Variants in ERBB2 observed in about 807,000 individuals in gnomAD.
ERBB2 encodes receptor tyrosine-protein kinase erbB-2.
In ERBB2, 61 loss-of-function variants were observed where a neutral mutation model predicts 149.0. The observed-to-expected ratio is 0.41, with a 90% confidence interval of 0.33 to 0.51. The LOEUF (loss-of-function observed/expected upper bound fraction) is 0.51, where lower values mean the gene tolerates loss of function less well. Among genes scored for constraint, ERBB2 ranks in the 20% least tolerant of loss-of-function variants. The probability of loss-of-function intolerance (pLI) is 0.25; values close to 1 mark genes in which losing one functional copy is unlikely to be tolerated. For missense variants in ERBB2, 1,205 were observed against 1,655.1 expected (o/e 0.73, Z 4.72); for synonymous variants, 633 against 678.8 (o/e 0.93, Z 1.05).
At chr17:39,722,022 G>A (rs2059480957) in intron 16 of ERBB2, among the ~76,000 whole-genome samples, 1 of 151,974 alleles carries the variant, frequency 6.6e-6, no homozygotes, top group African/African-American at 2.4e-5. Flanking sequence ...AGGTTCAAAC[G>A]ATTCTCCTGC....
At chr17:39,718,875 C>T (rs182236822) in intron 15 of ERBB2, among the ~76,000 whole-genome samples, 1 of 152,136 alleles carries the variant, frequency 6.6e-6, no homozygotes, top group Admixed American at 6.5e-5. Context: ...TTTTGTATGC[C>T]CCCTAGTGGG....
At chr17:39,699,643 G>C (rs2057971019), upstream of ERBB2, 1 of 1,095,384 alleles carries the variant, frequency 9.1e-7, no homozygotes, top group Non-Finnish European at 1.3e-6. Context: ...GATGTGGTGG[G>C]AAAACCATTA....
chr17:39,705,607 G>T (rs959423742), intron 1 of ERBB2, among the ~76,000 whole-genome samples: 1 of 152,168 alleles, frequency 6.6e-6, no homozygotes, highest in African/African-American at 2.4e-5. Context: ...GGTGGGAATA[G>T]AGGCCATTCT....
At chr17:39,698,522 G>A (rs1319806093), upstream of ERBB2, among the ~76,000 whole-genome samples, 7 of 152,154 alleles carry the variant, frequency 4.6e-5, no homozygotes, top group Admixed American at 3.9e-4. Context: ...GCCTCCCAAA[G>A]TGCTGGAATT....
rs773610056 is a variant in ERBB2, at chr17:39,726,513, C to T, written c.2873-49C>T. 1.3e-6 allele frequency: 2 copies of T among 1,512,888 alleles called. No individual in the cohort carries two copies. Among genetic ancestry groups the T allele is most frequent in the South Asian group, 1.1e-5 (1 of 88,506 alleles). 93.7% of individuals were successfully genotyped at this position (1,512,888 alleles called of 1,614,324 possible). A position where few individuals can be genotyped will look rare whatever the true frequency, so the allele number is the denominator to read the frequency against. ...AGGGGGAGTGGGAGGGGAGAGGCAG[C>T]AAGCACACAGGGCCTGGGACTAGCA... On this transcript the variant is annotated intron_variant, in intron 23 of 26. Transcript: ENST00000269571. The surrounding 1 kb of genome is among the most constrained non-coding windows in gnomAD (Gnocchi z 5.1).
intron 9 of ERBB2, among the ~76,000 whole-genome samples, chr17:39,714,483 A>G (rs372053351): frequency 9.2e-5 from 14 of 152,216 alleles, no homozygotes; most frequent in Admixed American, 9.2e-4. Context: ...TCCCAACTTC[A>G]TAAGATGGTT....
At chr17:39,689,982 A>G (rs1403563724), upstream of ERBB2, among the ~76,000 whole-genome samples, 1 of 152,150 alleles carries the variant, frequency 6.6e-6, no homozygotes, top group Non-Finnish European at 1.5e-5. Context: ...GAAATGCAGT[A>G]ACGCCCCACA....
upstream of ERBB2, among the ~76,000 whole-genome samples, chr17:39,694,226 AATATATATAT>A (rs1417710622): frequency 0.015 from 278 of 18,486 alleles, 3 homozygotes; most frequent in African/African-American, 0.038. Flanking sequence ...AAAAAAAAAA[AATATATATAT>A]ATATATATAT....
intron 1 of ERBB2, among the ~76,000 whole-genome samples, chr17:39,705,827 C>T (rs922351338): frequency 2.0e-5 from 3 of 152,202 alleles, no homozygotes; most frequent in South Asian, 2.1e-4. Context: ...GTCCCTGAAT[C>T]TGCATGTAGC....
At chr17:39,699,982 G>C (rs1218613583), upstream of ERBB2, 4 of 1,263,144 alleles carry the variant, frequency 3.2e-6, no homozygotes, top group Non-Finnish European at 3.0e-6. Context: ...GAGCGCGCTT[G>C]CTCCCAATCA....
At chr17:39,691,556 A>AAAAAAAAAAAAAAAAATAT (rs573116217), upstream of ERBB2, among the ~76,000 whole-genome samples, 2 of 84,202 alleles carry the variant, frequency 2.4e-5, no homozygotes, top group African/African-American at 1.0e-4. Flanking sequence ...TAAAAAAAAA[A>AAAAAAAAAAAAAAAAATAT]ATATATATAT....
At chr17:39,696,566 G>A (rs552570484), upstream of ERBB2, 50 of 152,372 alleles carry the variant, frequency 3.3e-4, no homozygotes, top group African/African-American at 1.2e-3. Context: ...TGAGGGTAAT[G>A]GGTGAAGCCA....
chr17:39,727,321 G>A lies in ERBB2; in HGVS notation c.3186G>A (p.Gly1062=), dbSNP rs1471292522. 1.2e-6 allele frequency: 2 copies of A among 1,612,888 alleles called. No homozygotes were observed. Among genetic ancestry groups the A allele is most frequent in the Non-Finnish European group, 1.7e-6 (2 of 1,179,730 alleles). Residue 1062 remains glycine (G), a synonymous_variant, in exon 26 of 27, where the codon GGG becomes GGA. Coordinates refer to ENST00000269571, the MANE Select transcript of ERBB2 (RefSeq NM_004448.4). This position sits in a 1 kb window ranked among gnomAD's most constrained non-coding sequence, Gnocchi z 4.3. Reference sequence around the variant, plus strand: ...GTGGCGGTGGGGACCTGACACTAGGGCTGGAGCCCTCTGAAGAGGAGGCCC... The same window carrying A: ...GTGGCGGTGGGGACCTGACACTAGGACTGGAGCCCTCTGAAGAGGAGGCCC... ...TRSGGGDLTL[G]LEPSEEEAPR... is the part of the protein sequence containing the mutation.
At chr17:39,696,984 T>C (rs1597846106), upstream of ERBB2, among the ~76,000 whole-genome samples, 3 of 152,312 alleles carry the variant, frequency 2.0e-5, no homozygotes, top group Admixed American at 2.0e-4. Flanking sequence ...GCGCATCCTC[T>C]TCCCGCAGGG....
chr17:39,727,432 A>G lies in ERBB2; in HGVS notation c.3297A>G (p.Gln1099=), dbSNP rs1294478912. The stretch of plus-strand genomic sequence containing the variant: ...GAATGGGGGCAGCCAAGGGGCTGCA[A>G]AGCCTCCCCACACATGACCCCAGCC... ...DLGMGAAKGL[Q]SLPTHDPSPL... The change falls in exon 26 of 27, where the codon CAA becomes CAG. Residue 1099 remains glutamine, a synonymous_variant. Coordinates refer to ENST00000269571, the MANE Select transcript of ERBB2 (RefSeq NM_004448.4). The surrounding 1 kb of genome is among the most constrained non-coding windows in gnomAD (Gnocchi z 4.3). 1 of 1,611,636 alleles carries G rather than the reference A, an allele frequency of 6.2e-7. No individual in the cohort carries two copies. Among genetic ancestry groups the G allele is most frequent in the Non-Finnish European group, 8.5e-7 (1 of 1,179,160 alleles).
upstream of ERBB2, among the ~76,000 whole-genome samples, chr17:39,698,009 T>G (rs926710086): frequency 3.3e-5 from 5 of 152,080 alleles, no homozygotes; most frequent in African/African-American, 1.2e-4. Context: ...TATTACTTTC[T>G]TAAAGAGAGT....
chr17:39,690,881 C>T (rs1207447552), upstream of ERBB2, among the ~76,000 whole-genome samples: 1 of 152,090 alleles, frequency 6.6e-6, no homozygotes, highest in African/African-American at 2.4e-5. Flanking sequence ...TGGACAGGCA[C>T]AGTGGCTCAT....
chr17:39,707,246 C>A, intron 2 of ERBB2, 105 bp downstream of exon 2: 1 of 1,029,490 alleles, frequency 9.7e-7, no homozygotes, highest in Non-Finnish European at 1.3e-6. Flanking sequence ...TGTTTCCTCT[C>A]TTGTTGTGGT....
Position 39,707,087 on chromosome 17 carries a change from G to C in ERBB2, c.171G>C (p.Gln57His). The C allele has an allele frequency of 6.2e-7, 1 of 1,606,060 alleles. No individual in the cohort carries two copies. Residue 57 changes from glutamine (Q) to histidine (H), a missense_variant, in exon 2 of 27, where the codon CAG becomes CAC. This residue lies in a region of ERBB2 where 101 missense variants were observed against 95.1 expected (regional missense o/e 1.06). Transcript: ENST00000269571. Reference protein sequence around the residue: ...RHLYQGCQVVQGNLELTYLPT... With the variant: ...RHLYQGCQVVHGNLELTYLPT... Reference sequence around the variant, plus strand: ...TCTACCAGGGCTGCCAGGTGGTGCAGGGAAACCTGGAACTCACCTACCTGC... The same window carrying C: ...TCTACCAGGGCTGCCAGGTGGTGCACGGAAACCTGGAACTCACCTACCTGC...
Sources: allele counts gnomAD v4.1 joint callset (sites outside exome capture counted in the v4.1 genomes callset), GRCh38; gene constraint gnomAD v4.1.1; regional missense constraint gnomAD v4.1.1; non-coding constraint Gnocchi (gnomAD v3.1); transcripts MANE v1.5; gene names NCBI Gene and HGNC (gene_info 2026-07-23, HGNC 2026-07-21).